Variants in BEST2 observed in about 807,000 individuals in gnomAD.
The protein encoded by BEST2 is bestrophin-2a.
In BEST2, 36 loss-of-function variants were observed where a neutral mutation model predicts 49.0. The ratio of observed to expected loss-of-function variants is 0.73; its 90% CI spans 0.56 to 0.97. The LOEUF (loss-of-function observed/expected upper bound fraction) is 0.97, where lower values mean the gene tolerates loss of function less well. Among genes scored for constraint, BEST2 ranks in the 50% least tolerant of loss-of-function variants. The pLI, the probability that BEST2 is intolerant of heterozygous loss-of-function variation, is 0.00. For synonymous variants in BEST2, 335 were observed against 304.4 expected (o/e 1.10, Z -1.05); for missense variants, 672 against 710.0 (o/e 0.95, Z 0.61).
In BEST2 at chr19:12,752,786, G is replaced by C. The variant is rs545699319; in HGVS notation, c.152+42G>C. 2.0e-6 allele frequency: 3 copies of C among 1,521,950 alleles called. No homozygotes were observed. The African/African-American group carries it at 4.2e-5, about 21-fold the overall frequency. 94.3% of individuals were successfully genotyped at this position (1,521,950 alleles called of 1,614,324 possible). On this transcript the variant is annotated intron_variant, in intron 2 of 9. Coordinates refer to ENST00000553030, the MANE Select transcript of BEST2 (RefSeq NM_017682.3). ...GTGCTCATGTTCTAGCGGAGGGGGG[G>C]CAGCTATTATATATATATAATATAT... is the stretch of plus-strand genomic sequence containing the variant.
chr19:12,756,321 G>A lies in BEST2; in HGVS notation c.1103+26G>A, dbSNP rs73501396. On this transcript the variant is annotated intron_variant, in intron 9 of 9. Transcript: ENST00000553030. ...GTGAGCCAGTTGGGTGGGCAGGGCC[G>A]CCTGGGGCAGGGCTTATGGCTCTGC... 11,187 of 1,609,706 alleles carry A rather than the reference G, an allele frequency of 6.9e-3. 710 individuals carry two copies. In the African/African-American group the frequency reaches 0.13, roughly 19 times the overall value.
chr19:12,756,577 C>G (rs552129896), intron 9 of BEST2: 1 of 441,266 alleles, frequency 2.3e-6, no homozygotes, highest in Non-Finnish European at 4.1e-6. Flanking sequence ...GGAGCACTGG[C>G]TCACGCCTGT....
At chr19:12,757,575 G>A in intron 9 of BEST2, 76 bp from the exon 10 acceptor site, 2 of 1,459,638 alleles carry the variant, frequency 1.4e-6, no homozygotes, top group Admixed American at 2.6e-5. Flanking sequence ...TGGAGTCAGG[G>A]AAATCAGCGC....
At chr19:12,753,179 G>A (rs1410626564) in intron 2 of BEST2, 81 bp from the exon 3 acceptor site, 1 of 1,459,280 alleles carries the variant, frequency 6.9e-7, no homozygotes, top group Non-Finnish European at 9.6e-7. Flanking sequence ...AGAAGCCAGG[G>A]TGAGGGGCAC....
In BEST2 at chr19:12,755,102, G is replaced by A. The variant is rs1486474638; in HGVS notation, c.636+71G>A. On this transcript the variant is annotated intron_variant, in intron 5 of 9. Transcript: ENST00000553030. The surrounding 1 kb of genome is among the most constrained non-coding windows in gnomAD (Gnocchi z 4.4). ...GTACCCCTGGAGCTGTGTCAACGGC[G>A]GCCCTCCAAGCACCCCCACGAGGCC... 9.9e-6 allele frequency: 15 copies of A among 1,508,148 alleles called. No homozygotes were observed. The highest frequency in any genetic ancestry group is 8.4e-5 in the African/African-American group (6 of 71,458). The allele number at this position is 1,508,148 out of a possible 1,614,324, so 93.4% of individuals were successfully genotyped here.
At chr19:12,753,403 T>C (rs367948415) in intron 3 of BEST2, 49 bp downstream of exon 3, 10 of 1,549,664 alleles carry the variant, frequency 6.5e-6, no homozygotes, top group Non-Finnish European at 8.9e-6. Context: ...GAGAAACCCA[T>C]ATCCATTCAT....
Position 12,755,828 on chromosome 19 carries a change from C to T in BEST2, c.868-27C>T. On this transcript the variant is annotated intron_variant, in intron 7 of 9. Transcript: ENST00000553030. This position sits in a 1 kb window ranked among gnomAD's most constrained non-coding sequence, Gnocchi z 4.4. ...GGGCGGGCATGGGGTTCCCAAGTTT[C>T]CACCTAACTGCTCCCTCTCCTCTCA... The T allele has an allele frequency of 6.2e-7, 1 of 1,613,932 alleles. No homozygotes were observed.
chr19:12,758,129 C>T lies in BEST2; in HGVS notation c.*52C>T. ...CAGGGAACCAGGTCCCTGCACGGCACCCACGCAGGTGTCCCGGTCTGCATA... is the reference window on the plus strand; with the variant it reads ...CAGGGAACCAGGTCCCTGCACGGCATCCACGCAGGTGTCCCGGTCTGCATA... On this transcript the variant is annotated 3_prime_UTR_variant, in exon 10 of 10. Coordinates refer to ENST00000553030, the MANE Select transcript of BEST2 (RefSeq NM_017682.3). 6.3e-7 allele frequency: 1 copy of T among 1,579,442 alleles called. No individual in the cohort carries two copies.
chr19:12,758,019 G>A lies in BEST2; in HGVS notation c.1472G>A (p.Gly491Asp). 1.2e-6 allele frequency: 2 copies of A among 1,613,056 alleles called. No individual in the cohort carries two copies. The highest frequency in any genetic ancestry group is 1.7e-6 in the Non-Finnish European group (2 of 1,179,948). The change falls in exon 10 of 10, where the codon GGT becomes GAT. Residue 491 changes from glycine (G) to aspartate (D), a missense_variant. Coordinates refer to ENST00000553030, the MANE Select transcript of BEST2 (RefSeq NM_017682.3). ...ATCGTGACCATGCCCGGGCCCCGGGGTCCGGCGCCACCCTGGCTGCCCAGC... is the reference window on the plus strand; with the variant it reads ...ATCGTGACCATGCCCGGGCCCCGGGATCCGGCGCCACCCTGGCTGCCCAGC... ...FSIVTMPGPR[G>D]PAPPWLPSPI...
At position 12,753,293 on chromosome 19, in the gene BEST2, C is replaced by T. The variant is rs772723089; in HGVS notation, c.186C>T (p.Phe62=). 1.1e-5 allele frequency: 17 copies of T among 1,614,154 alleles called. No homozygotes were observed. The highest frequency in any genetic ancestry group is 2.2e-5 in the East Asian group (1 of 44,888). ...FVLTEGQKRY[F]EKLVIYCDQY... ...TGACCGAAGGGCAGAAGCGCTACTT[C>T]GAGAAGCTTGTGATTTATTGTGACC... The change falls in exon 3 of 10, where the codon TTC becomes TTT. Residue 62 remains phenylalanine (F), a synonymous_variant. Transcript: ENST00000553030.
At chr19:12,756,972 T>C (rs975589002) in intron 9 of BEST2, among the ~76,000 whole-genome samples, 2 of 151,740 alleles carry the variant, frequency 1.3e-5, no homozygotes, top group African/African-American at 2.4e-5. Flanking sequence ...AGTGAAACCC[T>C]GTCTCTACTA....
chr19:12,754,507 G>A, intron 3 of BEST2, 45 bp from the exon 4 acceptor site: 1 of 1,413,146 alleles, frequency 7.1e-7, no homozygotes, highest in South Asian at 1.5e-5. Context: ...CCAAACCCCT[G>A]GCCCTGGTGT....
chr19:12,755,354 C>T lies in BEST2; in HGVS notation c.637-25C>T, dbSNP rs1467080457. The T allele has an allele frequency of 6.2e-7, 1 of 1,611,806 alleles. No individual in the cohort carries two copies. The highest frequency in any genetic ancestry group is 2.2e-5 in the East Asian group (1 of 44,866). ...CTGTGTGAGCTCACCATTCAGGCCT[C>T]CTCATGACCTGTATCCACCCCCAGG... On this transcript the variant is annotated intron_variant, in intron 5 of 9. Coordinates refer to ENST00000553030, the MANE Select transcript of BEST2 (RefSeq NM_017682.3). This position sits in a 1 kb window ranked among gnomAD's most constrained non-coding sequence, Gnocchi z 4.4.
chr19:12,757,720 C>A lies in BEST2; in HGVS notation c.1173C>A (p.Gly391=). The A allele has an allele frequency of 1.3e-6, 2 of 1,545,270 alleles. No homozygotes were observed. The highest frequency in any genetic ancestry group is 1.7e-6 in the Non-Finnish European group (2 of 1,147,982). The change falls in exon 10 of 10, where the codon GGC becomes GGA. Residue 391 remains glycine, a synonymous_variant. Transcript: ENST00000553030. ...ATGGACCGATGGGAGAGGCGCCCGG[C>A]GACTTCCTGCAGCGCCTCCTGCCGG... ...GLDGPMGEAP[G]DFLQRLLPAG... is the part of the protein sequence containing the mutation.
Position 12,754,629 on chromosome 19 carries a change from G to A in BEST2, c.325G>A (p.Val109Met), listed in dbSNP as rs769244875. The change falls in exon 4 of 10, where the codon GTG (valine) becomes ATG (methionine). Residue 109 changes from valine (V) to methionine (M), a missense_variant. Coordinates refer to ENST00000553030, the MANE Select transcript of BEST2 (RefSeq NM_017682.3). ...CMPLPDALMC[V>M]VAGTVHGRDD... Reference sequence around the variant, plus strand: ...GCCGCTGCCCGACGCGCTCATGTGCGTGGTGGCGGGCACCGTGCACGGACG... The same window carrying A: ...GCCGCTGCCCGACGCGCTCATGTGCATGGTGGCGGGCACCGTGCACGGACG... 2 of 1,563,038 alleles carry A rather than the reference G, an allele frequency of 1.3e-6. No individual in the cohort carries two copies. The highest frequency in any genetic ancestry group is 1.7e-6 in the Non-Finnish European group (2 of 1,151,848).
Position 12,758,356 on chromosome 19 carries a change from GTGAC to G in BEST2, c.*285_*288del, listed in dbSNP as rs1967972233. 7.7e-6 allele frequency: 4 copies of G among 516,998 alleles called. No homozygotes were observed. Among genetic ancestry groups the G allele is most frequent in the African/African-American group, 2.0e-5 (1 of 49,864 alleles). 32.0% of individuals were successfully genotyped at this position (516,998 alleles called of 1,614,324 possible). On this transcript the variant is annotated 3_prime_UTR_variant, in exon 10 of 10. Coordinates refer to ENST00000553030, the MANE Select transcript of BEST2 (RefSeq NM_017682.3). ...TGAATTCTTTCCTTCAAGTGAAGAT[GTGAC>G]TGACTACCTCCTCGAGTTGTCATGA...
Position 12,755,022 on chromosome 19 carries a change from G to A in BEST2, c.627G>A (p.Leu209=). 6.2e-7 allele frequency: 1 copy of A among 1,602,696 alleles called. No homozygotes were observed. Among genetic ancestry groups the A allele is most frequent in the Non-Finnish European group, 8.5e-7 (1 of 1,176,392 alleles). The change falls in exon 5 of 10, where the codon CTG becomes CTA. Residue 209 remains leucine, a synonymous_variant. Transcript: ENST00000553030. This position sits in a 1 kb window ranked among gnomAD's most constrained non-coding sequence, Gnocchi z 4.4. ...TCCGCGACAACAGCGCCCTTAAGCTGCTGCTCGAGGTGGGCCCAACCAGGA... is the reference window on the plus strand; with the variant it reads ...TCCGCGACAACAGCGCCCTTAAGCTACTGCTCGAGGTGGGCCCAACCAGGA... The part of the protein sequence containing the change: ...GRIRDNSALK[L]LLEELNVFRG...
Position 12,754,996 on chromosome 19 carries a change from A to G in BEST2, c.601A>G (p.Ile201Val). 1.9e-6 allele frequency: 3 copies of G among 1,611,668 alleles called. No homozygotes were observed. The highest frequency in any genetic ancestry group is 2.5e-6 in the Non-Finnish European group (3 of 1,179,282). ...GGCACAGGCCCGACGCGAGGGCCGC[A>G]TCCGCGACAACAGCGCCCTTAAGCT... Reference protein sequence around the residue: ...LAAQARREGRIRDNSALKLLL... With the variant: ...LAAQARREGRVRDNSALKLLL... The change falls in exon 5 of 10, where the codon ATC (isoleucine) becomes GTC (valine). Residue 201 changes from isoleucine to valine, a missense_variant. Ile to Val is a conservative substitution (Grantham distance 29). Around this residue, in one of 3 missense-constraint regions of BEST2, gnomAD observed 365 missense variants for 390.9 expected, o/e 0.93. Coordinates refer to ENST00000553030, the MANE Select transcript of BEST2 (RefSeq NM_017682.3).
At position 12,755,091 on chromosome 19, in the gene BEST2, G is replaced by T. The variant is rs534395537; in HGVS notation, c.636+60G>T. 5 of 1,532,642 alleles carry T rather than the reference G, an allele frequency of 3.3e-6. No homozygotes were observed. In the African/African-American group the frequency reaches 5.6e-5, roughly 17 times the overall value. The allele number at this position is 1,532,642 out of a possible 1,614,324, so 94.9% of individuals were successfully genotyped here. On this transcript the variant is annotated intron_variant, in intron 5 of 9. Coordinates refer to ENST00000553030, the MANE Select transcript of BEST2 (RefSeq NM_017682.3). The surrounding 1 kb of genome is among the most constrained non-coding windows in gnomAD (Gnocchi z 4.4). ...CCAGGGAAATTGTACCCCTGGAGCT[G>T]TGTCAACGGCGGCCCTCCAAGCACC...
Sources: gnomAD v4.1 joint callset for allele counts (sites outside exome capture counted in the v4.1 genomes callset) on GRCh38, gnomAD v4.1.1 for gene constraint, gnomAD v4.1.1 regional missense constraint, Gnocchi (gnomAD v3.1) non-coding constraint, MANE v1.5 for transcripts, NCBI Gene and HGNC (gene_info 2026-07-23, HGNC 2026-07-21) for gene names.